The following SLC39A11 variants were observed in gnomAD, a reference collection of about 807,000 sequenced individuals.
SLC39A11 encodes solute carrier family 39 member 11.
In SLC39A11, 33 loss-of-function variants were observed where a neutral mutation model predicts 36.1. That is an observed-to-expected ratio of 0.91 (90% confidence interval 0.69 to 1.22). The LOEUF is 1.22. Ranked by LOEUF, SLC39A11 falls within the 50% of genes most tolerant of loss-of-function variation. SLC39A11 has a pLI of 0.00. For synonymous variants in SLC39A11, 166 were observed against 170.3 expected (o/e 0.97, Z 0.20); for missense variants, 432 against 430.3 (o/e 1.00, Z -0.03).
intron 3 of SLC39A11, among the ~76,000 whole-genome samples, chr17:73,060,920 C>T (rs1019827739): frequency 6.6e-6 from 1 of 152,160 alleles, no homozygotes; most frequent in African/African-American, 2.4e-5. Flanking sequence ...CATTTTAAGT[C>T]CTGTCACTCA....
chr17:73,046,978 T>C (rs1213724504), intron 3 of SLC39A11, among the ~76,000 whole-genome samples: 2 of 151,510 alleles, frequency 1.3e-5, no homozygotes, highest in Non-Finnish European at 2.9e-5. Context: ...CGAAAGGTAA[T>C]GTAGCCTAGT....
At chr17:72,907,652 A>T (rs1053312433) in intron 5 of SLC39A11, among the ~76,000 whole-genome samples, 1 of 152,166 alleles carries the variant, frequency 6.6e-6, no homozygotes, top group African/African-American at 2.4e-5. Flanking sequence ...CTCCCCAGAA[A>T]CAACAAACAG....
chr17:73,047,702 G>A (rs71380157), intron 3 of SLC39A11, among the ~76,000 whole-genome samples: 2,511 of 151,716 alleles, frequency 0.017, 35 homozygotes, highest in Non-Finnish European at 0.026. Flanking sequence ...GCGAGGTAGC[G>A]CACATCTGTA....
In SLC39A11 at chr17:73,090,441, C is replaced by T. The variant is rs147491459; in HGVS notation, c.-11-1666G>A. On this transcript the variant is annotated intron_variant, in intron 1 of 9. Coordinates refer to ENST00000255559, the MANE Select transcript of SLC39A11 (RefSeq NM_139177.4). ...TCAAAAAACTACTACCCTTTACATCCGTCATCTTGCTAAGCCACCCTAAAA... is the reference window on the plus strand; with the variant it reads ...TCAAAAAACTACTACCCTTTACATCTGTCATCTTGCTAAGCCACCCTAAAA... Among the ~76,000 whole-genome samples the T allele has an allele frequency of 8.8e-3, 1,345 of 152,302 alleles. 14 individuals are homozygous for T. Among genetic ancestry groups the T allele is most frequent in the Non-Finnish European group, 0.013 (894 of 68,016 alleles).
chr17:72,989,912 A>C (rs1157148255), intron 4 of SLC39A11, among the ~76,000 whole-genome samples: 1 of 152,168 alleles, frequency 6.6e-6, no homozygotes, highest in African/African-American at 2.4e-5. Flanking sequence ...CTCTTCAGTA[A>C]ATTTCTTTTG....
chr17:72,776,610 GA>G lies in SLC39A11; in HGVS notation c.602-39892del, dbSNP rs34044701. 8.2e-3 allele frequency among the ~76,000 whole-genome samples: 982 copies of G among 119,840 alleles called. 11 individuals carry two copies. Among genetic ancestry groups the G allele is most frequent in the African/African-American group, 0.025 (777 of 31,326 alleles). 78.6% of individuals were successfully genotyped at this position (119,840 alleles called of 152,430 possible). A position where few individuals can be genotyped will look rare whatever the true frequency, so the allele number is the denominator to read the frequency against. ...GTTTATAAATAAAATACTTTGCATG[GA>G]AAAAAAAAAAAAAAAAAACAGAAGA... On this transcript the variant is annotated intron_variant, in intron 6 of 9. Transcript: ENST00000255559.
chr17:72,677,387 GCCA>G (rs2071314545), intron 7 of SLC39A11, among the ~76,000 whole-genome samples: 1 of 152,176 alleles, frequency 6.6e-6, no homozygotes, highest in Non-Finnish European at 1.5e-5. Flanking sequence ...AAGGAGAAAG[GCCA>G]ACATCTGGTC....
At chr17:72,855,593 G>C (rs2079594488) in intron 5 of SLC39A11, among the ~76,000 whole-genome samples, 1 of 152,058 alleles carries the variant, frequency 6.6e-6, no homozygotes, top group African/African-American at 2.4e-5. Flanking sequence ...CAAAACCAAA[G>C]GCCAATCAAA....
In SLC39A11 at chr17:72,648,928, C is replaced by G; in HGVS notation, c.804G>C (p.Leu268=). ...YGQLSGMVEP[L]AGVFGAFAVV... ...CGGCAAAGGCACCAAAGACCCCGGCCAGGGGCTCCACCATGCCGCTCAGCT... is the reference window on the plus strand; with the variant it reads ...CGGCAAAGGCACCAAAGACCCCGGCGAGGGGCTCCACCATGCCGCTCAGCT... The change falls in exon 9 of 10, where the codon CTG becomes CTC. Residue 268 remains leucine, a synonymous_variant. Coordinates refer to ENST00000255559, the MANE Select transcript of SLC39A11 (RefSeq NM_139177.4). 1 of 1,613,832 alleles carries G rather than the reference C, an allele frequency of 6.2e-7. No individual in the cohort carries two copies.
At chr17:72,719,221 T>G (rs2143536442) in intron 7 of SLC39A11, among the ~76,000 whole-genome samples, 1 of 152,222 alleles carries the variant, frequency 6.6e-6, no homozygotes, top group South Asian at 2.1e-4. Flanking sequence ...CACTCCAGCC[T>G]GGACAACAAA....
intron 7 of SLC39A11, among the ~76,000 whole-genome samples, chr17:72,686,332 T>C (rs892686140): frequency 1.3e-5 from 2 of 152,198 alleles, no homozygotes; most frequent in Non-Finnish European, 2.9e-5. Flanking sequence ...CATCGTCCAG[T>C]GTCAGGAGTC....
intron 6 of SLC39A11, among the ~76,000 whole-genome samples, chr17:72,752,064 T>A (rs951145004): frequency 1.3e-5 from 2 of 152,160 alleles, no homozygotes; most frequent in African/African-American, 4.8e-5. Context: ...TCTTATGTCA[T>A]ATTATCCCCT....
At chr17:72,791,729 A>G (rs1054916876) in intron 6 of SLC39A11, among the ~76,000 whole-genome samples, 1 of 152,130 alleles carries the variant, frequency 6.6e-6, no homozygotes, top group African/African-American at 2.4e-5. Flanking sequence ...CAGTCCCCCC[A>G]TGCTGTTCTC....
intron 7 of SLC39A11, among the ~76,000 whole-genome samples, chr17:72,655,223 C>A (rs1359644713): frequency 6.6e-6 from 1 of 152,250 alleles, no homozygotes. Context: ...CTCCACACAC[C>A]CGTGCACACG....
At chr17:72,943,421 T>C (rs945854986) in intron 5 of SLC39A11, among the ~76,000 whole-genome samples, 5 of 152,220 alleles carry the variant, frequency 3.3e-5, no homozygotes, top group African/African-American at 9.6e-5. Context: ...TTGCAAAACA[T>C]GGCTTTGATA....
intron 3 of SLC39A11, among the ~76,000 whole-genome samples, chr17:73,055,843 C>G (rs2059647746): frequency 6.6e-6 from 1 of 152,164 alleles, no homozygotes; most frequent in Non-Finnish European, 1.5e-5. Context: ...AGGCTGTAAC[C>G]AATTAGGCTA....
chr17:72,852,880 T>C (rs1255116784), intron 5 of SLC39A11, among the ~76,000 whole-genome samples: 2 of 152,220 alleles, frequency 1.3e-5, no homozygotes, highest in Non-Finnish European at 2.9e-5. Context: ...GGTCCTCAGC[T>C]TTCTCCTAGA....
intron 5 of SLC39A11, among the ~76,000 whole-genome samples, chr17:72,946,820 C>A (rs1030891088): frequency 1.3e-5 from 2 of 152,186 alleles, no homozygotes; most frequent in African/African-American, 4.8e-5. Context: ...AGGCGTCTGA[C>A]CCCGAGGCTG....
At chr17:72,709,714 CCCTATTT>C (rs553047440) in intron 7 of SLC39A11, among the ~76,000 whole-genome samples, 72 of 152,216 alleles carry the variant, frequency 4.7e-4, no homozygotes, top group African/African-American at 1.5e-3. Context: ...ATTTTCTTGC[CCCTATTT>C]CCTGTATCCT....
Sources: gnomAD v4.1 joint callset for allele counts (sites outside exome capture counted in the v4.1 genomes callset) on GRCh38, gnomAD v4.1.1 for gene constraint, MANE v1.5 for transcripts, NCBI Gene and HGNC (gene_info 2026-07-23, HGNC 2026-07-21) for gene names.